CNOT10: variants seen among roughly 807,000 people sequenced by gnomAD.
CNOT10 encodes CCR4-NOT transcription complex, subunit 10.
In CNOT10, 30 loss-of-function variants were observed where a neutral mutation model predicts 94.6. The observed-to-expected ratio is 0.32, with a 90% confidence interval of 0.24 to 0.43. The LOEUF (loss-of-function observed/expected upper bound fraction) is 0.43, where lower values mean the gene tolerates loss of function less well. Ranked by LOEUF, CNOT10 falls within the 20% of genes least tolerant of loss-of-function variation. The probability of loss-of-function intolerance (pLI) is 1.00; values close to 1 mark genes in which losing one functional copy is unlikely to be tolerated. For missense variants in CNOT10, 759 were observed against 877.2 expected (o/e 0.87, Z 1.70); for synonymous variants, 289 against 301.6 (o/e 0.96, Z 0.43).
Position 32,737,406 on chromosome 3 carries a change from T to G in CNOT10, c.1515-4T>G. 1 of 1,587,998 alleles carries G rather than the reference T, an allele frequency of 6.3e-7. No homozygotes were observed. Among genetic ancestry groups the G allele is most frequent in the East Asian group, 2.2e-5 (1 of 44,740 alleles). On this transcript the variant is annotated splice_region_variant and splice_polypyrimidine_tract_variant and intron_variant, in intron 12 of 18. Coordinates refer to ENST00000328834, the MANE Select transcript of CNOT10 (RefSeq NM_015442.3). ...CATAATTAAGACTCTTACCTCTATT[T>G]TAGCAGTAAAAGCCATGATGGAGAT...
chr3:32,719,388 C>T (rs945312611), intron 7 of CNOT10, among the ~76,000 whole-genome samples: 2 of 152,216 alleles, frequency 1.3e-5, no homozygotes, highest in Non-Finnish European at 2.9e-5. Context: ...CCACTGTACT[C>T]CAGCCTGGGT....
At chr3:32,765,035 A>T (rs766495633) in intron 17 of CNOT10, 160 of 1,408,066 alleles carry the variant, frequency 1.1e-4, no homozygotes, top group African/African-American at 5.9e-4. Context: ...TTTAAAAAAA[A>T]TTTTTTTTTG....
intron 10 of CNOT10, among the ~76,000 whole-genome samples, chr3:32,728,075 C>T (rs1698765303): frequency 6.6e-6 from 1 of 151,906 alleles, no homozygotes. Flanking sequence ...CGGCTCACTG[C>T]AACCTCCACC....
intron 8 of CNOT10, among the ~76,000 whole-genome samples, chr3:32,723,227 A>T (rs909104462): frequency 6.6e-6 from 1 of 151,894 alleles, no homozygotes; most frequent in Admixed American, 6.6e-5. Flanking sequence ...CCCCGTCTCT[A>T]CTAAAAATAC....
intron 8 of CNOT10, among the ~76,000 whole-genome samples, chr3:32,724,494 G>A (rs1698575686): frequency 7.0e-6 from 1 of 142,118 alleles, no homozygotes; most frequent in East Asian, 2.1e-4. Flanking sequence ...CTTACTGCAA[G>A]CTCTGCCTCC....
intron 1 of CNOT10, among the ~76,000 whole-genome samples, chr3:32,694,165 G>T (rs923544662): frequency 6.6e-6 from 1 of 151,086 alleles, no homozygotes; most frequent in Non-Finnish European, 1.5e-5. Context: ...TTTAAAAAAA[G>T]TGTTTGGTAC....
intron 18 of CNOT10, among the ~76,000 whole-genome samples, chr3:32,770,829 T>C (rs2125651809): frequency 6.6e-6 from 1 of 152,134 alleles, no homozygotes; most frequent in Admixed American, 6.5e-5. Context: ...TTCTCCTGTC[T>C]CAGCCTCTCA....
In CNOT10 at chr3:32,723,262, G is replaced by A. The variant is rs562050178; in HGVS notation, c.863-2188G>A. Reference sequence around the variant, plus strand: ...CAAAAAATTAGCCAGGTGTGGTGGCGGGCGCCTGTAGTCCCAGCTACTCAG... The same window carrying A: ...CAAAAAATTAGCCAGGTGTGGTGGCAGGCGCCTGTAGTCCCAGCTACTCAG... On this transcript the variant is annotated intron_variant, in intron 8 of 18. Coordinates refer to ENST00000328834, the MANE Select transcript of CNOT10 (RefSeq NM_015442.3). 1.6e-4 allele frequency among the ~76,000 whole-genome samples: 25 copies of A among 151,966 alleles called. No homozygotes were observed. In the East Asian group the frequency reaches 4.9e-3, roughly 30 times the overall value.
At position 32,721,303 on chromosome 3, in the gene CNOT10, C is replaced by G. The variant is rs543717493; in HGVS notation, c.862+1072C>G. On this transcript the variant is annotated intron_variant, in intron 8 of 18. Coordinates refer to ENST00000328834, the MANE Select transcript of CNOT10 (RefSeq NM_015442.3). ...TATCGAACTCCTGACCTCAAGTGAC[C>G]CGCCCACCTCAGCATCTCAAAGTGC... Among the ~76,000 whole-genome samples the G allele has an allele frequency of 7.3e-5, 11 of 151,610 alleles. No individual in the cohort carries two copies. In the South Asian group the frequency reaches 1.7e-3, roughly 23 times the overall value.
At position 32,764,692 on chromosome 3, in the gene CNOT10, G is replaced by A; in HGVS notation, c.1887G>A (p.Arg629=). 6.2e-7 allele frequency: 1 copy of A among 1,613,860 alleles called. No homozygotes were observed. Among genetic ancestry groups the A allele is most frequent in the Non-Finnish European group, 8.5e-7 (1 of 1,179,974 alleles). ...ENEAMESSGK[R]APQCYPSSVN... ...ACTCTTTTTCCCCAGCTGGTAAGCG[G>A]GCCCCTCAGTGCTACCCCAGTTCCG... Residue 629 remains arginine (R), a synonymous_variant, in exon 17 of 19, where the codon CGG becomes CGA. Transcript: ENST00000328834.
rs1033332715 is a variant in CNOT10, at chr3:32,701,841, A to G, written c.23-2027A>G. Among the ~76,000 whole-genome samples the G allele has an allele frequency of 3.3e-5, 5 of 152,122 alleles. No individual in the cohort carries two copies. The East Asian group carries it at 9.6e-4, about 29-fold the overall frequency. ...AGAGTCTCACTCTGTTGCTCAGGCT[A>G]GAGTGCAGTGGTGCAATCTCGGCTC... On this transcript the variant is annotated intron_variant, in intron 1 of 18. Coordinates refer to ENST00000328834, the MANE Select transcript of CNOT10 (RefSeq NM_015442.3).
rs75817772 is a variant in CNOT10, at chr3:32,745,264, T to C, written c.1595+7774T>C. 2.4e-3 allele frequency among the ~76,000 whole-genome samples: 372 copies of C among 152,244 alleles called. 3 individuals carry two copies. Among genetic ancestry groups the C allele is most frequent in the African/African-American group, 8.4e-3 (350 of 41,558 alleles). Reference sequence around the variant, plus strand: ...CTATATAAACAGTTGTCATACTGTATTGGTTTTTAATTTTTAAAAAATTAT... The same window carrying C: ...CTATATAAACAGTTGTCATACTGTACTGGTTTTTAATTTTTAAAAAATTAT... On this transcript the variant is annotated intron_variant, in intron 13 of 18. Coordinates refer to ENST00000328834, the MANE Select transcript of CNOT10 (RefSeq NM_015442.3).
intron 13 of CNOT10, among the ~76,000 whole-genome samples, chr3:32,756,055 A>ATGTG (rs1700214984): frequency 6.6e-6 from 1 of 152,178 alleles, no homozygotes; most frequent in African/African-American, 2.4e-5. Flanking sequence ...CAGTAGAGCC[A>ATGTG]TGTGTGCTTC....
chr3:32,773,555 G>A lies in CNOT10; in HGVS notation c.2179G>A (p.Val727Ile). 6.2e-7 allele frequency: 1 copy of A among 1,614,180 alleles called. No homozygotes were observed. Among genetic ancestry groups the A allele is most frequent in the Non-Finnish European group, 8.5e-7 (1 of 1,180,034 alleles). ...GAGAAAGAAGCCAGTGTTTCAGCCT[G>A]TCCACCCGATCCAGCCCATCCAAAT... ...EVRKKPVFQP[V>I]HPIQPIQMPA... The change falls in exon 19 of 19, where the codon GTC (valine) becomes ATC (isoleucine). Residue 727 changes from valine (V) to isoleucine (I), a missense_variant. Val to Ile is a conservative substitution (Grantham distance 29, BLOSUM62 3). Coordinates refer to ENST00000328834, the MANE Select transcript of CNOT10 (RefSeq NM_015442.3).
At chr3:32,728,932 T>C (rs1371743910) in intron 10 of CNOT10, among the ~76,000 whole-genome samples, 1 of 152,092 alleles carries the variant, frequency 6.6e-6, no homozygotes, top group Non-Finnish European at 1.5e-5. Context: ...AACCCCCGTC[T>C]CTACTAAAAA....
chr3:32,702,026 C>T (rs1435007615), intron 1 of CNOT10, among the ~76,000 whole-genome samples: 1 of 151,426 alleles, frequency 6.6e-6, no homozygotes, highest in African/African-American at 2.4e-5. Flanking sequence ...CCTCGATCTC[C>T]TGACCTCGTG....
chr3:32,709,231 A>G (rs1168755505), intron 4 of CNOT10, among the ~76,000 whole-genome samples: 2 of 152,202 alleles, frequency 1.3e-5, no homozygotes, highest in African/African-American at 2.4e-5. Context: ...AGTAGGAAGT[A>G]TAGAACAGAG....
At chr3:32,711,586 G>A (rs1165630084) in intron 4 of CNOT10, among the ~76,000 whole-genome samples, 2 of 152,184 alleles carry the variant, frequency 1.3e-5, no homozygotes. Flanking sequence ...ATTGACTGGG[G>A]ATGTTTTAAG....
rs893945529 is a variant in CNOT10, at chr3:32,704,745, A to G, written c.118-66A>G. 8.7e-5 allele frequency: 126 copies of G among 1,452,180 alleles called. No individual in the cohort carries two copies. In the African/African-American group the frequency reaches 1.7e-3, roughly 20 times the overall value. 90.0% of individuals were successfully genotyped at this position (1,452,180 alleles called of 1,614,324 possible). ...ATAAAGATGAATGAAATATATTTGG[A>G]ATGATATACTGTATTTAAAGCTGGT... On this transcript the variant is annotated intron_variant, in intron 2 of 18. Transcript: ENST00000328834.
Sources: allele counts gnomAD v4.1 joint callset (sites outside exome capture counted in the v4.1 genomes callset), GRCh38; gene constraint gnomAD v4.1.1; transcripts MANE v1.5; gene names NCBI Gene and HGNC (gene_info 2026-07-23, HGNC 2026-07-21).